Variants in LMOD3 observed in about 807,000 individuals in gnomAD.
LMOD3 encodes the protein leiomodin-3.
A neutral mutation model predicts 41.8 loss-of-function variants in LMOD3; 31 were observed. The ratio of observed to expected loss-of-function variants is 0.74; its 90% confidence interval spans 0.56 to 1.00. LMOD3 has a LOEUF of 1.00. LMOD3 is among the 50% of genes least tolerant of loss of function. The pLI, the probability that LMOD3 is intolerant of heterozygous loss-of-function variation, is 0.00. For missense variants in LMOD3, 755 were observed against 679.5 expected (o/e 1.11, Z -1.23); for synonymous variants, 292 against 241.9 (o/e 1.21, Z -1.92).
chr3:69,115,807 AT>A (rs1285327713), intron 2 of LMOD3, among the ~76,000 whole-genome samples: 3 of 152,168 alleles, frequency 2.0e-5, no homozygotes, highest in African/African-American at 7.2e-5. Flanking sequence ...TAAGATGTAT[AT>A]TTTGGGACAT....
intron 2 of LMOD3, among the ~76,000 whole-genome samples, chr3:69,115,425 T>C (rs2092367270): frequency 6.6e-6 from 1 of 151,280 alleles, no homozygotes; most frequent in African/African-American, 2.4e-5. Flanking sequence ...GAGGCTGCAG[T>C]GAGCCATAAT....
chr3:69,110,850 AAAAAT>A (rs1268687600), intron 2 of LMOD3, among the ~76,000 whole-genome samples: 5 of 135,462 alleles, frequency 3.7e-5, no homozygotes, highest in Non-Finnish European at 6.1e-5. Context: ...AAAAAAAAAA[AAAAAT>A]ATATATATAT....
At chr3:69,113,338 G>T (rs967535880) in intron 2 of LMOD3, among the ~76,000 whole-genome samples, 9 of 152,316 alleles carry the variant, frequency 5.9e-5, no homozygotes, top group Middle Eastern at 6.8e-3. Flanking sequence ...TCTAGATTAT[G>T]TGACAAGAGA....
rs2092323220 is a variant in LMOD3 at position 69,106,547 on chromosome 3, C to G, written c.*2548G>C. Among the ~76,000 whole-genome samples, 2 of 152,030 alleles carry G rather than the reference C, an allele frequency of 1.3e-5. No individual in the cohort carries two copies. Among genetic ancestry groups the G allele is most frequent in the African/African-American group, 4.8e-5 (2 of 41,386 alleles). ...AACTGCTTCACCTCTTTTGGCAAAACCTGTGTATTGAGGCCATAAGCTATG... is the reference window on the plus strand; with the variant it reads ...AACTGCTTCACCTCTTTTGGCAAAAGCTGTGTATTGAGGCCATAAGCTATG... On this transcript the variant is annotated 3_prime_UTR_variant, in exon 3 of 3. Coordinates refer to ENST00000420581, the MANE Select transcript of LMOD3 (RefSeq NM_198271.5).
intron 2 of LMOD3, among the ~76,000 whole-genome samples, chr3:69,117,322 T>C (rs1045764451): frequency 1.8e-4 from 28 of 152,222 alleles, no homozygotes; most frequent in African/African-American, 6.8e-4. Context: ...TGTGAAAGAC[T>C]AGCAATTATT....
At position 69,122,389 on chromosome 3, in the gene LMOD3, T is replaced by C. The variant is rs891101614; in HGVS notation, c.-3A>G. The C allele has an allele frequency of 3.9e-6, 6 of 1,544,596 alleles. No individual in the cohort carries two copies. The African/African-American group carries it at 5.6e-5, about 14-fold the overall frequency. Reference sequence around the variant, plus strand: ...GAATTTCTGCTGTGCTCTGACATTATTTTTTCTAAATATTATTTTACTAGA... The same window carrying C: ...GAATTTCTGCTGTGCTCTGACATTACTTTTTCTAAATATTATTTTACTAGA... On this transcript the variant is annotated 5_prime_UTR_variant, in exon 1 of 3. Transcript: ENST00000420581.
At chr3:69,121,684 G>T (rs2092408346) in intron 1 of LMOD3, among the ~76,000 whole-genome samples, 1 of 152,180 alleles carries the variant, frequency 6.6e-6, no homozygotes, top group Non-Finnish European at 1.5e-5. Flanking sequence ...GCGAAACACT[G>T]CGTATGTTTG....
At chr3:69,114,657 A>G (rs60230066) in intron 2 of LMOD3, among the ~76,000 whole-genome samples, 20,303 of 151,798 alleles carry the variant, frequency 0.13, 3,250 homozygotes, top group African/African-American at 0.37. Context: ...ACAGGCGAGC[A>G]CCACCACACC....
rs1225451389 is a variant in LMOD3, at chr3:69,107,892, A to G, written c.*1203T>C. The G allele has an allele frequency of 1.3e-5, 2 of 152,224 alleles. No homozygotes were observed. The highest frequency in any genetic ancestry group is 2.4e-5 in the African/African-American group (1 of 41,450). 9.4% of individuals were successfully genotyped at this position (152,224 alleles called of 1,614,324 possible). ...ATTAAGGCCTCTAGGAACTTGGAAG[A>G]AGGACAGATTGGAGTTGTCTGGAAA... is the stretch of plus-strand genomic sequence containing the variant. On this transcript the variant is annotated 3_prime_UTR_variant, in exon 3 of 3. Coordinates refer to ENST00000420581, the MANE Select transcript of LMOD3 (RefSeq NM_198271.5).
intron 2 of LMOD3, among the ~76,000 whole-genome samples, chr3:69,116,729 C>G (rs1244972431): frequency 6.6e-6 from 1 of 152,102 alleles, no homozygotes; most frequent in Non-Finnish European, 1.5e-5. Context: ...CCTGACTTAC[C>G]ACTATATCCC....
In LMOD3 at chr3:69,119,479, C is replaced by G. The variant is rs775235962; in HGVS notation, c.876G>C (p.Val292=). The part of the protein sequence containing the change: ...KHIKTFSLAN[V]GADENVAFAL... ...CAAATGCTACATTCTCATCTGCACC[C>G]ACATTGGCTAAACTGAATGTTTTGA... Residue 292 remains valine (V), a synonymous_variant, in exon 2 of 3, where the codon GTG becomes GTC. Transcript: ENST00000420581. 1 of 1,613,964 alleles carries G rather than the reference C, an allele frequency of 6.2e-7. No individual in the cohort carries two copies. The highest frequency in any genetic ancestry group is 8.5e-7 in the Non-Finnish European group (1 of 1,179,874).
chr3:69,107,873 G>A lies in LMOD3; in HGVS notation c.*1222C>T, dbSNP rs1258018956. 3.3e-5 allele frequency: 5 copies of A among 152,166 alleles called. No homozygotes were observed. In the East Asian group the frequency reaches 9.7e-4, roughly 29 times the overall value. 9.4% of individuals were successfully genotyped at this position (152,166 alleles called of 1,614,324 possible). A position where few individuals can be genotyped will look rare whatever the true frequency, so the allele number is the denominator to read the frequency against. ...CTAGTGGCTAGAATGAATAATTAAGGCCTCTAGGAACTTGGAAGAAGGACA... is the reference window on the plus strand; with the variant it reads ...CTAGTGGCTAGAATGAATAATTAAGACCTCTAGGAACTTGGAAGAAGGACA... On this transcript the variant is annotated 3_prime_UTR_variant, in exon 3 of 3. Transcript: ENST00000420581.
At chr3:69,112,168 C>T (rs1308735224) in intron 2 of LMOD3, among the ~76,000 whole-genome samples, 1 of 152,058 alleles carries the variant, frequency 6.6e-6, no homozygotes, top group Non-Finnish European at 1.5e-5. Flanking sequence ...TTCCCCTTTG[C>T]TTGTTAGTTT....
At chr3:69,112,079 ATAGC>A (rs1405800327) in intron 2 of LMOD3, among the ~76,000 whole-genome samples, 1 of 152,238 alleles carries the variant, frequency 6.6e-6, no homozygotes, top group Non-Finnish European at 1.5e-5. Context: ...AATCATAAAA[ATAGC>A]TAGATATGAT....
At chr3:69,121,006 A>G (rs1461895163) in intron 1 of LMOD3, among the ~76,000 whole-genome samples, 1 of 152,184 alleles carries the variant, frequency 6.6e-6, no homozygotes, top group Non-Finnish European at 1.5e-5. Flanking sequence ...AGGTCAGAAG[A>G]GACAGTGACA....
At chr3:69,118,122 G>A (rs1195028459) in intron 2 of LMOD3, among the ~76,000 whole-genome samples, 1 of 152,176 alleles carries the variant, frequency 6.6e-6, no homozygotes, top group Admixed American at 6.5e-5. Flanking sequence ...GAGCCAATGC[G>A]CCCGGCCTGG....
At chr3:69,113,234 T>A (rs1274446987) in intron 2 of LMOD3, among the ~76,000 whole-genome samples, 1 of 152,046 alleles carries the variant, frequency 6.6e-6, no homozygotes, top group Non-Finnish European at 1.5e-5. Context: ...AAGCAACCAC[T>A]AGGCCTAAAA....
rs2092389330 is a variant in LMOD3 at position 69,118,790 on chromosome 3, G to A, written c.1565C>T (p.Pro522Leu). The A allele has an allele frequency of 1.2e-6, 2 of 1,611,406 alleles. No homozygotes were observed. The highest frequency in any genetic ancestry group is 1.7e-5 in the Admixed American group (1 of 59,620). The change falls in exon 2 of 3, where the codon CCG becomes CTG. Residue 522 changes from proline (P) to leucine (L), a missense_variant. Coordinates refer to ENST00000420581, the MANE Select transcript of LMOD3 (RefSeq NM_198271.5). ...CACCAATGGGGGTGGCCTGTTTCTC[G>A]GCACTGGCTTGAGCGTTTTGATGAC... ...KDVIKTLKPV[P>L]RNRPPPLVEI...
intron 1 of LMOD3, among the ~76,000 whole-genome samples, chr3:69,121,877 CAT>C: frequency 6.6e-6 from 1 of 152,308 alleles, no homozygotes; most frequent in Middle Eastern, 3.4e-3. Flanking sequence ...TAAAAAGAGA[CAT>C]TTGCAAGAAA....
Sources: gnomAD v4.1 joint callset for allele counts (sites outside exome capture counted in the v4.1 genomes callset) on GRCh38, gnomAD v4.1.1 for gene constraint, MANE v1.5 for transcripts, NCBI Gene and HGNC (gene_info 2026-07-23, HGNC 2026-07-21) for gene names.